The following FAIM2 variants were observed in gnomAD, a reference collection of about 807,000 sequenced individuals.
FAIM2 encodes Fas apoptotic inhibitory molecule 2.
Under a neutral mutation model 47.4 loss-of-function variants are expected in FAIM2, and 27 were observed. The observed-to-expected ratio is 0.57, with a 90% CI of 0.42 to 0.78. FAIM2 has a LOEUF of 0.78. Among genes scored for constraint, FAIM2 ranks in the 30% least tolerant of loss-of-function variants. The probability of loss-of-function intolerance (pLI) is 0.00; values close to 1 mark genes in which losing one functional copy is unlikely to be tolerated. For synonymous variants in FAIM2, 156 were observed against 159.3 expected (o/e 0.98, Z 0.16); for missense variants, 311 against 389.4 (o/e 0.80, Z 1.69).
intron 11 of FAIM2, among the ~76,000 whole-genome samples, chr12:49,880,310 GTGTA>G (rs1426401147): frequency 3.4e-5 from 5 of 147,004 alleles, no homozygotes; most frequent in South Asian, 4.2e-4. Flanking sequence ...ATGTGCATGT[GTGTA>G]TGTGTATGTG....
At chr12:49,880,612 G>A (rs1014306469) in intron 11 of FAIM2, among the ~76,000 whole-genome samples, 3 of 106,476 alleles carry the variant, frequency 2.8e-5, no homozygotes, top group Non-Finnish European at 5.5e-5. Flanking sequence ...GTGTGCATGT[G>A]AGTGTATGTG....
chr12:49,875,244 C>T (rs1025513672), intron 11 of FAIM2, among the ~76,000 whole-genome samples: 15 of 152,310 alleles, frequency 9.8e-5, no homozygotes, highest in East Asian at 3.9e-4. Flanking sequence ...TAAGCCTCTG[C>T]GGCAGGTGTC....
Position 49,871,170 on chromosome 12 carries a change from T to C in FAIM2, c.802-517A>G, listed in dbSNP as rs534029192. Among the ~76,000 whole-genome samples the C allele has an allele frequency of 3.0e-4, 45 of 152,150 alleles. 1 individual carries two copies. The South Asian group carries it at 4.6e-3, about 15-fold the overall frequency. ...TGACAGCCCATCAGTGCTACCGACA[T>C]CCCCATCAAATAAGAATCCGATTCT... On this transcript the variant is annotated intron_variant, in intron 11 of 11. Transcript: ENST00000320634.
At chr12:49,885,228 T>C (rs925737632) in intron 11 of FAIM2, among the ~76,000 whole-genome samples, 1 of 152,228 alleles carries the variant, frequency 6.6e-6, no homozygotes, top group Non-Finnish European at 1.5e-5. Flanking sequence ...CCTACTTGCA[T>C]GCATGGCTTC....
rs954317363 is a variant in FAIM2 at position 49,868,715 on chromosome 12, C to T, written c.*1789G>A. On this transcript the variant is annotated 3_prime_UTR_variant, in exon 12 of 12. Coordinates refer to ENST00000320634, the MANE Select transcript of FAIM2 (RefSeq NM_012306.4). Reference sequence around the variant, plus strand: ...CATTACCGAGCCTTTCTGAGCACCTCGGCTTTTCCCTCTGCTACGGACATG... The same window carrying T: ...CATTACCGAGCCTTTCTGAGCACCTTGGCTTTTCCCTCTGCTACGGACATG... The T allele has an allele frequency of 2.0e-5, 3 of 152,244 alleles. No homozygotes were observed. Among genetic ancestry groups the T allele is most frequent in the African/African-American group, 7.2e-5 (3 of 41,428 alleles). 9.4% of individuals were successfully genotyped at this position (152,244 alleles called of 1,614,324 possible). A position where few individuals can be genotyped will look rare whatever the true frequency, so the allele number is the denominator to read the frequency against.
At chr12:49,889,649 T>C (rs1209796912) in intron 8 of FAIM2, 81 bp from the exon 9 acceptor site, 13 of 1,161,650 alleles carry the variant, frequency 1.1e-5, no homozygotes, top group East Asian at 2.4e-5. Context: ...CCCTCTCTTC[T>C]GCCAGGACCT....
intron 11 of FAIM2, among the ~76,000 whole-genome samples, chr12:49,885,808 G>T (rs1946857021): frequency 1.3e-5 from 2 of 152,124 alleles, no homozygotes; most frequent in Non-Finnish European, 2.9e-5. Context: ...AATACTGGCT[G>T]TGTGCTACTC....
At chr12:49,899,584 A>C (rs73293477) in intron 2 of FAIM2, among the ~76,000 whole-genome samples, 1,747 of 152,222 alleles carry the variant, frequency 0.011, 31 homozygotes, top group African/African-American at 0.04. Flanking sequence ...TTCAGCCTTA[A>C]ACACTCATTT....
At chr12:49,901,377 CA>C (rs1946981472) in intron 1 of FAIM2, 52 bp from the exon 2 acceptor site, 3 of 1,370,794 alleles carry the variant, frequency 2.2e-6, no homozygotes, top group Non-Finnish European at 2.9e-6. Flanking sequence ...GGGAGCCTTC[CA>C]ACTCCTCCTC....
chr12:49,900,503 C>T (rs796302309), intron 2 of FAIM2, among the ~76,000 whole-genome samples: 39 of 152,266 alleles, frequency 2.6e-4, no homozygotes, highest in African/African-American at 8.7e-4. Context: ...TGGCATCCAC[C>T]TGGGTGAGTG....
At chr12:49,878,392 G>GTGTGTGTGTGCATGTGTGTA (rs142129827) in intron 11 of FAIM2, among the ~76,000 whole-genome samples, 1 of 125,114 alleles carries the variant, frequency 8.0e-6, no homozygotes, top group Non-Finnish European at 1.6e-5. Flanking sequence ...GTGTATATGT[G>GTGTGTGTGTGCATGTGTGTA]TGTGTCTGTG....
chr12:49,886,430 G>A (rs73116330), intron 11 of FAIM2, among the ~76,000 whole-genome samples: 26,258 of 152,132 alleles, frequency 0.17, 3,660 homozygotes, highest in East Asian at 0.42. Flanking sequence ...CCTTGGGCAT[G>A]TTATTTGATA....
chr12:49,870,342 T>C lies in FAIM2; in HGVS notation c.*162A>G, dbSNP rs2137076439. ...AGTTCCTCAGGGTCCCCATGGCGTA[T>C]GTACAAGCGGCAGAGGGCTGGGCTG... On this transcript the variant is annotated 3_prime_UTR_variant, in exon 12 of 12. Coordinates refer to ENST00000320634, the MANE Select transcript of FAIM2 (RefSeq NM_012306.4). 4 of 638,770 alleles carry C rather than the reference T, an allele frequency of 6.3e-6. No individual in the cohort carries two copies. The East Asian group carries it at 1.1e-4, about 17-fold the overall frequency. 39.6% of individuals were successfully genotyped at this position (638,770 alleles called of 1,614,324 possible).
chr12:49,892,716 AGGT>A (rs1946908848), intron 5 of FAIM2, among the ~76,000 whole-genome samples: 1 of 152,038 alleles, frequency 6.6e-6, no homozygotes, highest in African/African-American at 2.4e-5. Flanking sequence ...CGTTCTCCCT[AGGT>A]GGGCTCACTC....
At chr12:49,878,846 G>A (rs1173036645) in intron 11 of FAIM2, among the ~76,000 whole-genome samples, 4 of 59,884 alleles carry the variant, frequency 6.7e-5, no homozygotes, top group Non-Finnish European at 1.2e-4. Context: ...GTGTGTGCAT[G>A]TGTGTATGTG....
At chr12:49,880,728 G>GTA (rs767650767) in intron 11 of FAIM2, among the ~76,000 whole-genome samples, 3,421 of 151,408 alleles carry the variant, frequency 0.023, 129 homozygotes, top group African/African-American at 0.077. Context: ...GTGTATATGT[G>GTA]TGTGTGTATG....
At chr12:49,872,686 G>A (rs189101406) in intron 11 of FAIM2, among the ~76,000 whole-genome samples, 1 of 152,322 alleles carries the variant, frequency 6.6e-6, no homozygotes, top group Admixed American at 6.5e-5. Context: ...AGGTGAGGAG[G>A]TGGGGGCAAT....
intron 5 of FAIM2, among the ~76,000 whole-genome samples, chr12:49,893,515 C>T (rs893776039): frequency 6.6e-6 from 1 of 152,240 alleles, no homozygotes; most frequent in African/African-American, 2.4e-5. Flanking sequence ...TTCCCACCAT[C>T]TGACCCGGAG....
At chr12:49,901,477 T>C in intron 1 of FAIM2, 152 bp from the exon 2 acceptor site, 1 of 594,000 alleles carries the variant, frequency 1.7e-6, no homozygotes, top group Non-Finnish European at 2.8e-6. Flanking sequence ...TGTCTCTATT[T>C]TATAGACAAG....
Sources: allele counts gnomAD v4.1 joint callset (sites outside exome capture counted in the v4.1 genomes callset), GRCh38; gene constraint gnomAD v4.1.1; transcripts MANE v1.5; gene names NCBI Gene and HGNC (gene_info 2026-07-23, HGNC 2026-07-21).